Variants in PPFIBP2 observed in about 807,000 individuals in gnomAD.
PPFIBP2 encodes PPFIB scaffold protein 2.
Under a neutral mutation model 118.3 loss-of-function variants are expected in PPFIBP2, and 118 were observed. The ratio of observed to expected loss-of-function variants is 1.00; its 90% CI spans 0.86 to 1.16. The LOEUF (loss-of-function observed/expected upper bound fraction) is 1.16. Ranked by LOEUF, PPFIBP2 falls within the 50% of genes most tolerant of loss-of-function variation. The pLI, the probability that PPFIBP2 is intolerant of heterozygous loss-of-function variation, is 0.00. For synonymous variants in PPFIBP2, 414 were observed against 397.4 expected (o/e 1.04, Z -0.50); for missense variants, 1,195 against 1,073.1 (o/e 1.11, Z -1.59).
In PPFIBP2 at chr11:7,653,129, A is replaced by G; in HGVS notation, c.2542A>G (p.Ser848Gly). ...PMEPSDGVSD[S>G]HRVYSGYRGL... ...GGAGCCCAGTGACGGTGTCAGTGAT[A>G]GTCACAGGGTCTACAGTGGCTACCG... The change falls in exon 24 of 24, where the codon AGT becomes GGT. Residue 848 changes from serine to glycine, a missense_variant. By Grantham distance (56) the Ser-to-Gly change is moderately conservative (BLOSUM62 0). Coordinates refer to ENST00000299492, the MANE Select transcript of PPFIBP2 (RefSeq NM_003621.5). 6.2e-7 allele frequency: 1 copy of G among 1,614,222 alleles called. No homozygotes were observed. Among genetic ancestry groups the G allele is most frequent in the Non-Finnish European group, 8.5e-7 (1 of 1,180,030 alleles).
Position 7,640,874 on chromosome 11 carries a change from T to A in PPFIBP2, c.1376-605T>A, listed in dbSNP as rs376220179. On this transcript the variant is annotated intron_variant, in intron 15 of 23. Transcript: ENST00000299492. ...TCAGTGTCAGTCACCACTCACCCCC[T>A]CCTTCTCCATGGGATTATTTTTCTT... Among the ~76,000 whole-genome samples the A allele has an allele frequency of 2.4e-3, 371 of 152,318 alleles. 1 individual carries two copies. The highest frequency in any genetic ancestry group is 0.017 in the South Asian group (82 of 4,822).
the PPFIBP2 span, among the ~76,000 whole-genome samples, chr11:7,663,718 T>C: frequency 2.0e-5 from 3 of 152,236 alleles, no homozygotes; most frequent in Non-Finnish European, 2.9e-5. Flanking sequence ...TAAGCAAGCC[T>C]GGGTAATGGC....
chr11:7,528,215 C>T (rs964313308), intron 1 of PPFIBP2, among the ~76,000 whole-genome samples: 1 of 152,156 alleles, frequency 6.6e-6, no homozygotes, highest in Non-Finnish European at 1.5e-5. Flanking sequence ...ACCACATTAA[C>T]CTTTGAGAGG....
chr11:7,578,020 G>T (rs144058578), intron 3 of PPFIBP2, among the ~76,000 whole-genome samples: 68 of 152,294 alleles, frequency 4.5e-4, no homozygotes, highest in Middle Eastern at 3.4e-3. Flanking sequence ...CATTGGATTC[G>T]GAAGTTGTTT....
chr11:7,557,390 A>AT (rs1437867982), intron 2 of PPFIBP2, among the ~76,000 whole-genome samples: 4 of 151,584 alleles, frequency 2.6e-5, no homozygotes, highest in Admixed American at 6.6e-5. Flanking sequence ...ATTTACTCAT[A>AT]TTAGTGTATT....
chr11:7,639,589 C>T (rs1851867458), intron 14 of PPFIBP2, 143 bp from the exon 15 acceptor site: 1 of 1,053,034 alleles, frequency 9.5e-7, no homozygotes, highest in Non-Finnish European at 1.4e-6. Context: ...CTCGGACTAG[C>T]TAAATAATCT....
At chr11:7,594,809 C>T (rs532705303) in intron 4 of PPFIBP2, among the ~76,000 whole-genome samples, 5 of 149,864 alleles carry the variant, frequency 3.3e-5, no homozygotes, top group African/African-American at 9.8e-5. Flanking sequence ...CCCAGCTACT[C>T]GGAAGGCTGA....
At chr11:7,558,640 C>G (rs925966805) in intron 2 of PPFIBP2, among the ~76,000 whole-genome samples, 2 of 151,972 alleles carry the variant, frequency 1.3e-5, no homozygotes, top group Admixed American at 6.6e-5. Context: ...CCTGTACTCC[C>G]ACCTACTCGG....
chr11:7,600,821 A>G (rs1358011850), intron 5 of PPFIBP2, among the ~76,000 whole-genome samples: 1 of 152,196 alleles, frequency 6.6e-6, no homozygotes. Context: ...CATTTTTCAC[A>G]AGAGACTCAA....
chr11:7,603,399 C>A (rs11605093), intron 5 of PPFIBP2, among the ~76,000 whole-genome samples: 1 of 152,118 alleles, frequency 6.6e-6, no homozygotes, highest in African/African-American at 2.4e-5. Context: ...CTACAAGCAC[C>A]TCTTCTCTGC....
chr11:7,593,228 G>T lies in PPFIBP2; in HGVS notation c.372+4G>T. ...TAAGGAGTCCCTCATATTGCAGGTGGGTACTTTTTGGTGAGAATCGGCTTA... is the reference window on the plus strand; with the variant it reads ...TAAGGAGTCCCTCATATTGCAGGTGTGTACTTTTTGGTGAGAATCGGCTTA... On this transcript the variant is annotated splice_donor_region_variant and intron_variant, in intron 4 of 23. Coordinates refer to ENST00000299492, the MANE Select transcript of PPFIBP2 (RefSeq NM_003621.5). The T allele has an allele frequency of 6.2e-7, 1 of 1,613,432 alleles. No homozygotes were observed. Among genetic ancestry groups the T allele is most frequent in the East Asian group, 2.2e-5 (1 of 44,862 alleles).
intron 1 of PPFIBP2, among the ~76,000 whole-genome samples, chr11:7,547,766 C>T (rs1852489423): frequency 6.6e-6 from 1 of 152,272 alleles, no homozygotes; most frequent in Non-Finnish European, 1.5e-5. Flanking sequence ...TCCCTCTAAG[C>T]TAACTGTGCA....
At chr11:7,655,125 C>T (rs1293699972), downstream of PPFIBP2, among the ~76,000 whole-genome samples, 1 of 152,196 alleles carries the variant, frequency 6.6e-6, no homozygotes, top group Non-Finnish European at 1.5e-5. Flanking sequence ...GAACATTGAA[C>T]ACGTGCAGAA....
At chr11:7,638,534 G>A (rs1197151652) in intron 14 of PPFIBP2, among the ~76,000 whole-genome samples, 1 of 152,196 alleles carries the variant, frequency 6.6e-6, no homozygotes, top group Admixed American at 6.5e-5. Flanking sequence ...AATTGAATTG[G>A]AAATATATTG....
chr11:7,565,621 AT>A lies in PPFIBP2; in HGVS notation c.134del (p.Met45ArgfsTer13), dbSNP rs1347847025. ...EPGLASPASY[M>X]NPFPVLHLIE... ...TGGACTGGCTTCCCCGGCCTCCTAC[AT>A]GAACCCCTTCCCGGTGCTCCATCTC... is the stretch of plus-strand genomic sequence containing the variant. On this transcript the variant is annotated frameshift_variant, in exon 3 of 24. Transcript: ENST00000299492. LOFTEE classifies it high-confidence loss of function. 2 of 1,614,054 alleles carry A rather than the reference AT, an allele frequency of 1.2e-6. No homozygotes were observed. The highest frequency in any genetic ancestry group is 1.7e-6 in the Non-Finnish European group (2 of 1,180,026).
intron 2 of PPFIBP2, among the ~76,000 whole-genome samples, chr11:7,556,785 G>A (rs1261325923): frequency 6.6e-6 from 1 of 152,150 alleles, no homozygotes; most frequent in Non-Finnish European, 1.5e-5. Context: ...ACTATCCATA[G>A]GTATTATTTT....
At chr11:7,628,486 T>G in intron 9 of PPFIBP2, 140 bp downstream of exon 9, 1 of 832,220 alleles carries the variant, frequency 1.2e-6, no homozygotes, top group Non-Finnish European at 1.9e-6. Flanking sequence ...GAATGACTTG[T>G]GCCTTCTAGA....
At position 7,629,549 on chromosome 11, in the gene PPFIBP2, G is replaced by C. The variant is rs776276124; in HGVS notation, c.964+15G>C. On this transcript the variant is annotated intron_variant, in intron 10 of 23. Transcript: ENST00000299492. The stretch of plus-strand genomic sequence containing the variant: ...GGTCACTCAAGGTAAGAGCAAGGGC[G>C]ATCCTACCGTTGTCTCTGAAAGATA... 5 of 1,612,190 alleles carry C rather than the reference G, an allele frequency of 3.1e-6. No homozygotes were observed. The highest frequency in any genetic ancestry group is 1.7e-5 in the Admixed American group (1 of 59,982).
intron 1 of PPFIBP2, among the ~76,000 whole-genome samples, chr11:7,514,703 G>C (rs2134202276): frequency 6.6e-6 from 1 of 152,316 alleles, no homozygotes; most frequent in African/African-American, 2.4e-5. Context: ...TTAAAAGTGG[G>C]CTCCCTCCTC....
Sources: allele counts gnomAD v4.1 joint callset (sites outside exome capture counted in the v4.1 genomes callset), GRCh38; gene constraint gnomAD v4.1.1; transcripts MANE v1.5; gene names NCBI Gene and HGNC (gene_info 2026-07-23, HGNC 2026-07-21).